LRRC24: variants seen among roughly 807,000 people sequenced by gnomAD.
LRRC24 encodes the protein leucine rich repeat containing 24.
Under a neutral mutation model 15.3 loss-of-function variants are expected in LRRC24, and 19 were observed. The ratio of observed to expected loss-of-function variants is 1.25; its 90% confidence interval spans 0.87 to 1.83. The LOEUF (loss-of-function observed/expected upper bound fraction) is 1.83, where lower values mean the gene tolerates loss of function less well. Ranked by LOEUF, LRRC24 falls within the 40% of genes most tolerant of loss-of-function variation. LRRC24 has a pLI of 0.00. For synonymous variants in LRRC24, 469 were observed against 359.6 expected (o/e 1.30, Z -3.44); for missense variants, 914 against 723.9 (o/e 1.26, Z -3.01).
At chr8:144,524,009 T>A in intron 4 of LRRC24, 101 bp downstream of exon 4, 1 of 1,380,954 alleles carries the variant, frequency 7.2e-7, no homozygotes, top group Non-Finnish European at 9.9e-7. Flanking sequence ...CCTTCCAGAC[T>A]GCTGCCCAGT....
At chr8:144,525,224 T>G (rs911038568) in intron 1 of LRRC24, 191 bp from the exon 2 acceptor site, 37 of 378,012 alleles carry the variant, frequency 9.8e-5, no homozygotes, top group Admixed American at 7.8e-4. Context: ...TTAGAATTCC[T>G]GGTGTCCTCA....
chr8:144,523,219 C>T lies in LRRC24; in HGVS notation c.798G>A (p.Pro266=). The T allele has an allele frequency of 6.2e-7, 1 of 1,609,284 alleles. No homozygotes were observed. The highest frequency in any genetic ancestry group is 8.5e-7 in the Non-Finnish European group (1 of 1,178,398). Residue 266 remains proline (P), a synonymous_variant, in exon 5 of 5, where the codon CCG becomes CCA. Transcript: ENST00000529415. The part of the protein sequence containing the change: ...ICIPPSVHVQ[P]LELTANLGED... ...CACCCAGGTTGGCTGTGAGCTCCAG[C>T]GGCTGCACGTGGACAGAGGGCGGAA...
In LRRC24 at chr8:144,522,554, G is replaced by C; in HGVS notation, c.1463C>G (p.Pro488Arg). Residue 488 changes from proline (P) to arginine (R), a missense_variant, in exon 5 of 5, where the codon CCC becomes CGC. Coordinates refer to ENST00000529415, the MANE Select transcript of LRRC24 (RefSeq NM_001024678.4). ...PLFAEGPAEA[P>R]ADCGPEQGAG... Reference sequence around the variant, plus strand: ...CCCCTGTTCCGGGCCGCAGTCAGCGGGCGCCTCCGCCGGACCCTCGGCGAA... The same window carrying C: ...CCCCTGTTCCGGGCCGCAGTCAGCGCGCGCCTCCGCCGGACCCTCGGCGAA... 6.5e-7 allele frequency: 1 copy of C among 1,537,408 alleles called. No homozygotes were observed. Among genetic ancestry groups the C allele is most frequent in the Non-Finnish European group, 8.7e-7 (1 of 1,144,566 alleles).
At position 144,523,061 on chromosome 8, in the gene LRRC24, C is replaced by T; in HGVS notation, c.956G>A (p.Gly319Glu). ...QLEGGLLGLG[G>E]HSASDTGSGM... ...GCTGCCCGTGTCGGATGCCGAGTGTCCGCCCAGGCCCAGCAACCCGCCTTC... is the reference window on the plus strand; with the variant it reads ...GCTGCCCGTGTCGGATGCCGAGTGTTCGCCCAGGCCCAGCAACCCGCCTTC... Residue 319 changes from glycine (G) to glutamate (E), a missense_variant, in exon 5 of 5, where the codon GGA (glycine) becomes GAA (glutamate). Physicochemically the swap from Gly to Glu is moderately conservative, Grantham distance 98 (BLOSUM62 -2). Transcript: ENST00000529415. 6.2e-7 allele frequency: 1 copy of T among 1,604,212 alleles called. No homozygotes were observed. The highest frequency in any genetic ancestry group is 8.5e-7 in the Non-Finnish European group (1 of 1,177,356).
chr8:144,524,810 G>T lies in LRRC24; in HGVS notation c.159+6C>A. The T allele has an allele frequency of 1.4e-6, 2 of 1,460,658 alleles. No homozygotes were observed. Among genetic ancestry groups the T allele is most frequent in the Non-Finnish European group, 9.0e-7 (1 of 1,107,648 alleles). 90.5% of individuals were successfully genotyped at this position (1,460,658 alleles called of 1,614,324 possible). A position where few individuals can be genotyped will look rare whatever the true frequency, so the allele number is the denominator to read the frequency against. ...CCGTCCTCCCGCAGCTCCACACGGT[G>T]CCCACCTGCGTCCCTGGCGGGATTC... On this transcript the variant is annotated splice_donor_region_variant and intron_variant, in intron 2 of 4. Transcript: ENST00000529415.
intron 4 of LRRC24, 63 bp from the exon 5 acceptor site, chr8:144,523,472 G>A: frequency 6.7e-7 from 1 of 1,488,302 alleles, no homozygotes; most frequent in East Asian, 2.4e-5. Flanking sequence ...TGTGCAGTTG[G>A]GGTTTTGCAG....
chr8:144,524,016 C>T (rs758593511), intron 4 of LRRC24, 94 bp downstream of exon 4: 23 of 1,422,524 alleles, frequency 1.6e-5, no homozygotes, highest in Non-Finnish European at 2.0e-5. Flanking sequence ...GACTGCTGCC[C>T]AGTTGCCTGA....
chr8:144,524,354 A>G, intron 3 of LRRC24, 76 bp from the exon 4 acceptor site: 5 of 1,595,818 alleles, frequency 3.1e-6, no homozygotes, highest in Non-Finnish European at 4.2e-6. Flanking sequence ...ACCAAGCTAG[A>G]CTGGGTTGCC....
rs1229148120 is a variant in LRRC24, at chr8:144,524,571, A to G, written c.308T>C (p.Leu103Pro). 6.4e-7 allele frequency: 1 copy of G among 1,558,520 alleles called. No homozygotes were observed. The highest frequency in any genetic ancestry group is 8.6e-7 in the Non-Finnish European group (1 of 1,161,252). Residue 103 changes from leucine (L) to proline (P), a missense_variant, in exon 3 of 5, where the codon CTG becomes CCG. Coordinates refer to ENST00000529415, the MANE Select transcript of LRRC24 (RefSeq NM_001024678.4). ...AFRAQPRLLE[L>P]ALTSNRLRGL... ...GCGCAGCCGGTTGCTAGTGAGCGCC[A>G]GCTCCAGCAGGCGCGGCTGCGCGCG...
rs1816259725 is a variant in LRRC24, at chr8:144,524,295, A to G, written c.439-17T>C. 9 of 1,609,884 alleles carry G rather than the reference A, an allele frequency of 5.6e-6. No homozygotes were observed. The highest frequency in any genetic ancestry group is 7.6e-6 in the Non-Finnish European group (9 of 1,179,806). ...CTGCAGTCGCTGAAGTAAGGACAGC[A>G]GATCGTGAGGAAAAAGGGCGCCGAG... On this transcript the variant is annotated splice_polypyrimidine_tract_variant and intron_variant, in intron 3 of 4. Coordinates refer to ENST00000529415, the MANE Select transcript of LRRC24 (RefSeq NM_001024678.4).
Position 144,522,509 on chromosome 8 carries a change from A to T in LRRC24, c.1508T>A (p.Val503Glu). 2 of 1,497,610 alleles carry T rather than the reference A, an allele frequency of 1.3e-6. No individual in the cohort carries two copies. Among genetic ancestry groups the T allele is most frequent in the African/African-American group, 2.9e-5 (2 of 69,134 alleles). 92.8% of individuals were successfully genotyped at this position (1,497,610 alleles called of 1,614,324 possible). A position where few individuals can be genotyped will look rare whatever the true frequency, so the allele number is the denominator to read the frequency against. ...GATCTCGTAGGCGACCGGCGGGGGC[A>T]CGCGGAGTCCCGGCCCCGCCCCCTG... is the stretch of plus-strand genomic sequence containing the variant. Reference protein sequence around the residue: ...PEQGAGPGLRVPPPVAYEIHC With the variant: ...PEQGAGPGLREPPPVAYEIHC The change falls in exon 5 of 5, where the codon GTG becomes GAG. Residue 503 changes from valine (V) to glutamate (E), a missense_variant. Transcript: ENST00000529415.
In LRRC24 at chr8:144,525,024, G is replaced by A; in HGVS notation, c.-50C>T. Reference sequence around the variant, plus strand: ...GCCCTTCCGCGGTTCAGCCGCAGACGCGTGCCCTCCTGAAACACAGGTTGG... The same window carrying A: ...GCCCTTCCGCGGTTCAGCCGCAGACACGTGCCCTCCTGAAACACAGGTTGG... On this transcript the variant is annotated 5_prime_UTR_variant, in exon 2 of 5. Transcript: ENST00000529415. The A allele has an allele frequency of 7.2e-7, 1 of 1,384,350 alleles. No individual in the cohort carries two copies. The highest frequency in any genetic ancestry group is 9.3e-7 in the Non-Finnish European group (1 of 1,072,816). 85.8% of individuals were successfully genotyped at this position (1,384,350 alleles called of 1,614,324 possible).
Position 144,524,911 on chromosome 8 carries a change from C to G in LRRC24, c.64G>C (p.Gly22Arg). ...TAGCAGCGGCAGGCTGCTGGGCAGC[C>G]GGCGGCGCGGAGCGGCAGTAGTAGC... ...LLLLLPLRAAGCPAACRCYSA... is the reference protein window; with the variant it reads ...LLLLLPLRAARCPAACRCYSA... The change falls in exon 2 of 5, where the codon GGC (glycine) becomes CGC (arginine). Residue 22 changes from glycine (G) to arginine (R), a missense_variant. Gly to Arg is a moderately radical substitution (Grantham distance 125, BLOSUM62 -2). Coordinates refer to ENST00000529415, the MANE Select transcript of LRRC24 (RefSeq NM_001024678.4). The G allele has an allele frequency of 1.3e-6, 2 of 1,513,860 alleles. No homozygotes were observed. Among genetic ancestry groups the G allele is most frequent in the Non-Finnish European group, 1.8e-6 (2 of 1,132,372 alleles). 93.8% of individuals were successfully genotyped at this position (1,513,860 alleles called of 1,614,324 possible).
rs1816293017 is a variant in LRRC24 at position 144,524,729 on chromosome 8, G to C, written c.160-10C>G. The C allele has an allele frequency of 6.2e-6, 9 of 1,442,974 alleles. No individual in the cohort carries two copies. Among genetic ancestry groups the C allele is most frequent in the Non-Finnish European group, 8.1e-6 (9 of 1,105,342 alleles). 89.4% of individuals were successfully genotyped at this position (1,442,974 alleles called of 1,614,324 possible). ...CCTGCAGGAACAGTGTCTGCAGGCC[G>C]GGGAAAGAGGAGGCGCTTACCCCGT... On this transcript the variant is annotated splice_polypyrimidine_tract_variant and intron_variant, in intron 2 of 4. Coordinates refer to ENST00000529415, the MANE Select transcript of LRRC24 (RefSeq NM_001024678.4).
intron 4 of LRRC24, chr8:144,523,740 G>A (rs1816229224): frequency 2.4e-6 from 1 of 417,872 alleles, no homozygotes; most frequent in Non-Finnish European, 4.2e-6. Context: ...CATCTCACCA[G>A]CACTGAAACC....
In LRRC24 at chr8:144,523,021, G is replaced by A. The variant is rs1816187662; in HGVS notation, c.996C>T (p.Leu332=). ...ASDTGSGMLF[L]SNITLAHAGK... is the part of the protein sequence containing the mutation. ...CGGCGTGCGCCAGCGTGATGTTGCT[G>A]AGGAAGAGCATGCCGCTGCCCGTGT... The change falls in exon 5 of 5, where the codon CTC becomes CTT. Residue 332 remains leucine, a synonymous_variant. Transcript: ENST00000529415. The A allele has an allele frequency of 1.3e-6, 2 of 1,599,474 alleles. No homozygotes were observed. Among genetic ancestry groups the A allele is most frequent in the South Asian group, 1.1e-5 (1 of 90,514 alleles).
At chr8:144,523,611 G>T in intron 4 of LRRC24, 1 of 684,692 alleles carries the variant, frequency 1.5e-6, no homozygotes, top group Non-Finnish European at 2.2e-6. Flanking sequence ...CTCCCCTTTA[G>T]CTCTGTGATG....
rs1200435557 is a variant in LRRC24, at chr8:144,522,539, G to T, written c.1478C>A (p.Pro493Gln). The stretch of plus-strand genomic sequence containing the variant: ...GAGTCCCGGCCCCGCCCCCTGTTCC[G>T]GGCCGCAGTCAGCGGGCGCCTCCGC... ...GPAEAPADCGPEQGAGPGLRV... is the reference protein window; with the variant it reads ...GPAEAPADCGQEQGAGPGLRV... Residue 493 changes from proline (P) to glutamine (Q), a missense_variant, in exon 5 of 5, where the codon CCG (proline) becomes CAG (glutamine). Pro to Gln is a moderately conservative substitution (Grantham distance 76). Transcript: ENST00000529415. 2.6e-6 allele frequency: 4 copies of T among 1,524,990 alleles called. No homozygotes were observed. The highest frequency in any genetic ancestry group is 3.5e-6 in the Non-Finnish European group (4 of 1,138,030). The allele number at this position is 1,524,990 out of a possible 1,614,324, so 94.5% of individuals were successfully genotyped here. A position where few individuals can be genotyped will look rare whatever the true frequency, so the allele number is the denominator to read the frequency against.
rs139936408 is a variant in LRRC24 at position 144,523,222 on chromosome 8, C to T, written c.795G>A (p.Gln265=). The stretch of plus-strand genomic sequence containing the variant: ...CCAGGTTGGCTGTGAGCTCCAGCGG[C>T]TGCACGTGGACAGAGGGCGGAATGC... ...LICIPPSVHV[Q]PLELTANLGE... Residue 265 remains glutamine, a synonymous_variant, in exon 5 of 5, where the codon CAG becomes CAA. Transcript: ENST00000529415. The T allele has an allele frequency of 5.6e-6, 9 of 1,609,578 alleles. No homozygotes were observed. The African/African-American group carries it at 1.1e-4, about 19-fold the overall frequency.
Sources: gnomAD v4.1 joint callset for allele counts on GRCh38, gnomAD v4.1.1 for gene constraint, MANE v1.5 for transcripts, NCBI Gene and HGNC (gene_info 2026-07-23, HGNC 2026-07-21) for gene names.